Variants in GNA14 observed in about 807,000 individuals in gnomAD.
The protein encoded by GNA14 is guanine nucleotide-binding protein subunit alpha-14.
In GNA14, 50 loss-of-function variants were observed where a neutral mutation model predicts 42.0. That is an observed-to-expected ratio of 1.19 (90% CI 0.95 to 1.51). The LOEUF is 1.51. Among genes scored for constraint, GNA14 ranks in the 40% most tolerant of loss-of-function variants. GNA14 has a pLI of 0.00. For synonymous variants in GNA14, 173 were observed against 163.1 expected (o/e 1.06, Z -0.46); for missense variants, 473 against 446.2 (o/e 1.06, Z -0.54).
chr9:77,531,564 G>A (rs907074266), intron 1 of GNA14, among the ~76,000 whole-genome samples: 1 of 152,122 alleles, frequency 6.6e-6, no homozygotes, highest in Non-Finnish European at 1.5e-5. Context: ...ACAATCCAGT[G>A]CTAGATTACC....
In GNA14 at chr9:77,423,101, T is replaced by C. The variant is rs1300057836; in HGVS notation, c.*878A>G. ...TGCTAATAGCAGAATGGTATATTCT[T>C]AGCCTCCTCAGAAAGGCACAGCATA... is the stretch of plus-strand genomic sequence containing the variant. On this transcript the variant is annotated 3_prime_UTR_variant, in exon 7 of 7. Coordinates refer to ENST00000341700, the MANE Select transcript of GNA14 (RefSeq NM_004297.4). 2 of 152,168 alleles carry C rather than the reference T, an allele frequency of 1.3e-5. No homozygotes were observed. The highest frequency in any genetic ancestry group is 2.9e-5 in the Non-Finnish European group (2 of 68,040). The allele number at this position is 152,168 out of a possible 1,614,324, so 9.4% of individuals were successfully genotyped here. A position where few individuals can be genotyped will look rare whatever the true frequency, so the allele number is the denominator to read the frequency against.
At chr9:77,499,133 G>A (rs949687020) in intron 2 of GNA14, among the ~76,000 whole-genome samples, 1 of 152,206 alleles carries the variant, frequency 6.6e-6, no homozygotes, top group African/African-American at 2.4e-5. Flanking sequence ...GAAAGGCTAA[G>A]TAATTTAGCC....
Position 77,574,517 on chromosome 9 carries a change from T to A in GNA14, c.125-45264A>T, listed in dbSNP as rs80260884. Reference sequence around the variant, plus strand: ...CTTGAAATTCATATATTACATATACTGTTTCTCCTTGCATTTTAAATGTGT... The same window carrying A: ...CTTGAAATTCATATATTACATATACAGTTTCTCCTTGCATTTTAAATGTGT... On this transcript the variant is annotated intron_variant, in intron 1 of 6. Coordinates refer to ENST00000341700, the MANE Select transcript of GNA14 (RefSeq NM_004297.4). 2.9e-3 allele frequency among the ~76,000 whole-genome samples: 436 copies of A among 152,360 alleles called. 12 individuals carry two copies. The East Asian group carries it at 0.07, about 24-fold the overall frequency.
chr9:77,464,551 T>C (rs543496909), intron 2 of GNA14, among the ~76,000 whole-genome samples: 1 of 152,278 alleles, frequency 6.6e-6, no homozygotes, highest in East Asian at 1.9e-4. Flanking sequence ...TAAAAACATT[T>C]TTTTTGAGAT....
chr9:77,426,344 G>A (rs776765589), intron 5 of GNA14, among the ~76,000 whole-genome samples: 4 of 150,748 alleles, frequency 2.7e-5, no homozygotes, highest in Non-Finnish European at 4.4e-5. Context: ...TCGCTGTGTC[G>A]CCCAGGCTGG....
At chr9:77,476,564 A>G (rs896549875) in intron 2 of GNA14, among the ~76,000 whole-genome samples, 4 of 152,242 alleles carry the variant, frequency 2.6e-5, no homozygotes, top group Non-Finnish European at 2.9e-5. Flanking sequence ...TGTGAAAAGA[A>G]TAAGGGCCAT....
chr9:77,450,651 G>A (rs948924441), intron 2 of GNA14, among the ~76,000 whole-genome samples: 1 of 151,238 alleles, frequency 6.6e-6, no homozygotes, highest in Non-Finnish European at 1.5e-5. Flanking sequence ...TCTTCCTATG[G>A]TCTATCTAGT....
At chr9:77,542,085 T>G (rs1217428451) in intron 1 of GNA14, among the ~76,000 whole-genome samples, 1 of 152,178 alleles carries the variant, frequency 6.6e-6, no homozygotes, top group Non-Finnish European at 1.5e-5. Context: ...CCTTTGGAGG[T>G]GTCCTATTAC....
chr9:77,588,090 A>G (rs182471555), intron 1 of GNA14, among the ~76,000 whole-genome samples: 3 of 152,208 alleles, frequency 2.0e-5, no homozygotes, highest in Non-Finnish European at 4.4e-5. Flanking sequence ...ATCCCTTATT[A>G]TAAGGACCCT....
intron 4 of GNA14, 75 bp from the exon 5 acceptor site, chr9:77,429,111 C>T (rs1427166935): frequency 8.3e-6 from 12 of 1,439,800 alleles, no homozygotes; most frequent in African/African-American, 1.4e-5. Context: ...TGAATTATAG[C>T]ATGGAAACCA....
chr9:77,432,736 T>C (rs1487604408), intron 3 of GNA14, among the ~76,000 whole-genome samples: 1 of 152,112 alleles, frequency 6.6e-6, no homozygotes. Context: ...CTTGCCCCCA[T>C]GGTTTTCAGG....
At chr9:77,563,363 G>C (rs1173940288) in intron 1 of GNA14, among the ~76,000 whole-genome samples, 1 of 152,172 alleles carries the variant, frequency 6.6e-6, no homozygotes, top group Non-Finnish European at 1.5e-5. Context: ...AATGAATGAA[G>C]CATTCACTGA....
intron 1 of GNA14, among the ~76,000 whole-genome samples, chr9:77,639,684 T>C (rs1010666984): frequency 1.3e-5 from 2 of 152,252 alleles, no homozygotes; most frequent in African/African-American, 4.8e-5. Flanking sequence ...TTGACAGTCT[T>C]GTCTGGTACT....
intron 2 of GNA14, 68 bp from the exon 3 acceptor site, chr9:77,434,590 A>C (rs1835613393): frequency 3.6e-6 from 5 of 1,396,898 alleles, no homozygotes; most frequent in Non-Finnish European, 5.0e-6. Flanking sequence ...CAATGTCGGT[A>C]CAAGTCTTGC....
At chr9:77,606,854 G>A (rs1180916908) in intron 1 of GNA14, among the ~76,000 whole-genome samples, 1 of 152,160 alleles carries the variant, frequency 6.6e-6, no homozygotes, top group East Asian at 1.9e-4. Context: ...AGGTAATTAG[G>A]TTTAGATGAG....
intron 1 of GNA14, among the ~76,000 whole-genome samples, chr9:77,621,463 C>T (rs1021773748): frequency 6.6e-6 from 1 of 152,202 alleles, no homozygotes; most frequent in Non-Finnish European, 1.5e-5. Context: ...AGTGCACACA[C>T]ACAGAATAAA....
intron 2 of GNA14, among the ~76,000 whole-genome samples, chr9:77,485,576 A>C (rs1283584655): frequency 1.3e-5 from 2 of 152,232 alleles, no homozygotes; most frequent in Non-Finnish European, 2.9e-5. Context: ...GCCCAGATCA[A>C]TCAGAGAAGT....
At chr9:77,457,813 A>G (rs1289262907) in intron 2 of GNA14, among the ~76,000 whole-genome samples, 1 of 152,196 alleles carries the variant, frequency 6.6e-6, no homozygotes, top group Non-Finnish European at 1.5e-5. Flanking sequence ...CAAAGCTTAC[A>G]GATTTTTAAA....
rs936616729 is a variant in GNA14 at position 77,631,835 on chromosome 9, G to A, written c.124+15835C>T. Among the ~76,000 whole-genome samples the A allele has an allele frequency of 8.5e-5, 13 of 152,150 alleles. 1 individual carries two copies. The highest frequency in any genetic ancestry group is 1.9e-4 in the East Asian group (1 of 5,186). ...CTGGAGCAGCCGCTGCCATCATGCCGGCTGCAGCAGGAAAGCGTGGCTGGG... is the reference window on the plus strand; with the variant it reads ...CTGGAGCAGCCGCTGCCATCATGCCAGCTGCAGCAGGAAAGCGTGGCTGGG... On this transcript the variant is annotated intron_variant, in intron 1 of 6. Transcript: ENST00000341700.
Sources: allele counts gnomAD v4.1 joint callset (sites outside exome capture counted in the v4.1 genomes callset), GRCh38; gene constraint gnomAD v4.1.1; transcripts MANE v1.5; gene names NCBI Gene and HGNC (gene_info 2026-07-23, HGNC 2026-07-21).